MOGAT2: variants seen among roughly 807,000 people sequenced by gnomAD.
The protein encoded by MOGAT2 is monoacylglycerol O-acyltransferase 2.
A neutral mutation model predicts 31.5 loss-of-function variants in MOGAT2; 27 were observed. The observed-to-expected ratio is 0.86, with a 90% CI of 0.63 to 1.18. MOGAT2 has a LOEUF of 1.18. Ranked by LOEUF, MOGAT2 falls within the 50% of genes most tolerant of loss-of-function variation. The probability of loss-of-function intolerance (pLI) is 0.00; values close to 1 mark genes in which losing one functional copy is unlikely to be tolerated. For missense variants in MOGAT2, 436 were observed against 433.2 expected (o/e 1.01, Z -0.06); for synonymous variants, 163 against 170.0 (o/e 0.96, Z 0.32).
chr11:75,727,317 A>T (rs1442625191), intron 2 of MOGAT2, 118 bp from the exon 3 acceptor site: 1 of 850,574 alleles, frequency 1.2e-6, no homozygotes, highest in Non-Finnish European at 1.8e-6. Flanking sequence ...GTGGTCAGAC[A>T]TATGGATGAA....
chr11:75,718,055 G>A (rs1565297869), intron 1 of MOGAT2, 76 bp downstream of exon 1: 2 of 1,357,402 alleles, frequency 1.5e-6, no homozygotes, highest in Non-Finnish European at 2.1e-6. Flanking sequence ...GGTGCACACA[G>A]CACATTGATG....
Position 75,728,932 on chromosome 11 carries a change from G to A in MOGAT2, c.793G>A (p.Gly265Ser). ...CTCCCTCCCACTCTTTCATGGCCGTGGTGTCTTCCAGTACAGCTTTGGTTT... is the reference window on the plus strand; with the variant it reads ...CTCCCTCCCACTCTTTCATGGCCGTAGTGTCTTCCAGTACAGCTTTGGTTT... ...GISLPLFHGR[G>S]VFQYSFGLIP... The change falls in exon 5 of 6, where the codon GGT becomes AGT. Residue 265 changes from glycine to serine, a missense_variant. By Grantham distance (56) the Gly-to-Ser change is moderately conservative. Coordinates refer to ENST00000198801, the MANE Select transcript of MOGAT2 (RefSeq NM_025098.4). 6.2e-7 allele frequency: 1 copy of A among 1,614,114 alleles called. No individual in the cohort carries two copies. Among genetic ancestry groups the A allele is most frequent in the Non-Finnish European group, 8.5e-7 (1 of 1,180,026 alleles).
chr11:75,729,750 T>TG lies in MOGAT2; in HGVS notation c.850+761_850+762insG, dbSNP rs1452217972. ...AAGGAGGGTTTAATTCTTTTTTTTTTTTGTTTTTTTTTGAGACAGAGTCCT... is the reference window on the plus strand; with the variant it reads ...AAGGAGGGTTTAATTCTTTTTTTTTTGTTGTTTTTTTTTGAGACAGAGTCCT... On this transcript the variant is annotated intron_variant, in intron 5 of 5. Transcript: ENST00000198801. 7.0e-4 allele frequency among the ~76,000 whole-genome samples: 98 copies of TG among 140,702 alleles called. 4 individuals carry two copies. Among genetic ancestry groups the TG allele is most frequent in the Admixed American group, 4.7e-3 (68 of 14,382 alleles). 92.3% of individuals were successfully genotyped at this position (140,702 alleles called of 152,430 possible).
chr11:75,718,856 G>A (rs928920122), intron 1 of MOGAT2, among the ~76,000 whole-genome samples: 2 of 152,170 alleles, frequency 1.3e-5, no homozygotes, highest in Non-Finnish European at 2.9e-5. Flanking sequence ...ACCAGACAAG[G>A]TAGGAACTGC....
intron 2 of MOGAT2, among the ~76,000 whole-genome samples, chr11:75,721,869 G>T (rs1263615304): frequency 6.6e-6 from 1 of 152,164 alleles, no homozygotes; most frequent in Admixed American, 6.5e-5. Context: ...CAGGGTGGTT[G>T]GGGTTCCTGC....
At chr11:75,730,102 A>T (rs969681942) in intron 5 of MOGAT2, among the ~76,000 whole-genome samples, 6 of 152,242 alleles carry the variant, frequency 3.9e-5, no homozygotes, top group Non-Finnish European at 7.4e-5. Context: ...TCCACTTGCT[A>T]ATTGAGCAGA....
chr11:75,721,920 G>T (rs995515078), intron 2 of MOGAT2, among the ~76,000 whole-genome samples: 1 of 152,240 alleles, frequency 6.6e-6, no homozygotes, highest in Non-Finnish European at 1.5e-5. Flanking sequence ...AGAAGGACTA[G>T]CAAAGGCTGA....
At position 75,728,813 on chromosome 11, in the gene MOGAT2, C is replaced by T. The variant is rs1243190255; in HGVS notation, c.674C>T (p.Ser225Phe). Residue 225 changes from serine to phenylalanine, a missense_variant, in exon 5 of 6, where the codon TCC becomes TTC. Ser to Phe is a radical substitution (Grantham distance 155). Coordinates refer to ENST00000198801, the MANE Select transcript of MOGAT2 (RefSeq NM_025098.4). ...AGGGCACCCCTGGTGCCAATCTTCT[C>T]CTTCGGGGAGAATGACCTATTTGAC... ...THGAPLVPIF[S>F]FGENDLFDQI... The T allele has an allele frequency of 1.2e-6, 2 of 1,614,098 alleles. No individual in the cohort carries two copies. Among genetic ancestry groups the T allele is most frequent in the Admixed American group, 1.7e-5 (1 of 60,014 alleles).
chr11:75,724,837 C>G (rs1031973585), intron 2 of MOGAT2, among the ~76,000 whole-genome samples: 3 of 152,194 alleles, frequency 2.0e-5, no homozygotes, highest in African/African-American at 7.2e-5. Context: ...ACTCTCCACA[C>G]ATTGTCCCCC....
At chr11:75,726,599 T>C (rs1944423399) in intron 2 of MOGAT2, among the ~76,000 whole-genome samples, 1 of 152,122 alleles carries the variant, frequency 6.6e-6, no homozygotes, top group Non-Finnish European at 1.5e-5. Flanking sequence ...AAAAAGTCTG[T>C]ATATATTCAC....
intron 5 of MOGAT2, among the ~76,000 whole-genome samples, chr11:75,730,037 G>A (rs1304293456): frequency 6.6e-6 from 1 of 152,196 alleles, no homozygotes; most frequent in Non-Finnish European, 1.5e-5. Context: ...AAGCCACCAC[G>A]CCTGGCCTCC....
At chr11:75,729,073 G>T in intron 5 of MOGAT2, 84 bp downstream of exon 5, 1 of 1,313,296 alleles carries the variant, frequency 7.6e-7, no homozygotes, top group South Asian at 1.2e-5. Flanking sequence ...AGATGAGCCA[G>T]ATTTATTCCT....
rs1565301455 is a variant in MOGAT2 at position 75,727,966 on chromosome 11, C to T, written c.476-4C>T. 2 of 1,601,468 alleles carry T rather than the reference C, an allele frequency of 1.2e-6. No individual in the cohort carries two copies. The highest frequency in any genetic ancestry group is 1.1e-5 in the South Asian group (1 of 89,604). On this transcript the variant is annotated splice_region_variant and splice_polypyrimidine_tract_variant and intron_variant, in intron 3 of 5. Coordinates refer to ENST00000198801, the MANE Select transcript of MOGAT2 (RefSeq NM_025098.4). ...ATACCTGACCCACTTTTCTCTTTCC[C>T]TAGGGTTGGTCACATCAGAAAAGGA... is the stretch of plus-strand genomic sequence containing the variant.
rs1212494011 is a variant in MOGAT2, at chr11:75,730,942, A to G, written c.851-190A>G. 1.8e-5 allele frequency: 8 copies of G among 442,038 alleles called. No homozygotes were observed. In the Admixed American group the frequency reaches 2.9e-4, roughly 16 times the overall value. The allele number at this position is 442,038 out of a possible 1,614,324, so 27.4% of individuals were successfully genotyped here. ...AAAAAAAAAAAAAGAAAAGAAAAGAAAAGGAAGAAAGAAATCCAGCCGTTG... is the reference window on the plus strand; with the variant it reads ...AAAAAAAAAAAAAGAAAAGAAAAGAGAAGGAAGAAAGAAATCCAGCCGTTG... On this transcript the variant is annotated intron_variant, in intron 5 of 5. Coordinates refer to ENST00000198801, the MANE Select transcript of MOGAT2 (RefSeq NM_025098.4).
Position 75,717,901 on chromosome 11 carries a change from G to C in MOGAT2, c.13G>C (p.Ala5Pro), listed in dbSNP as rs1040387911. 7.4e-6 allele frequency: 12 copies of C among 1,614,154 alleles called. No homozygotes were observed. The highest frequency in any genetic ancestry group is 1.0e-5 in the Non-Finnish European group (12 of 1,180,010). Residue 5 changes from alanine to proline, a missense_variant, in exon 1 of 6, where the codon GCG becomes CCG. Transcript: ENST00000198801. ...CTGACCCGCCAGCATGGTAGAGTTC[G>C]CGCCCTTGTTTATGCCGTGGGAGCG... MVEFAPLFMPWERRL... is the reference protein window; with the variant it reads MVEFPPLFMPWERRL...
At chr11:75,723,670 G>A (rs976098057) in intron 2 of MOGAT2, among the ~76,000 whole-genome samples, 60 of 152,190 alleles carry the variant, frequency 3.9e-4, no homozygotes, top group African/African-American at 1.4e-3. Context: ...GATTAGAGGT[G>A]TGAGCCACCA....
At chr11:75,730,983 C>G in intron 5 of MOGAT2, 149 bp from the exon 6 acceptor site, 1 of 429,446 alleles carries the variant, frequency 2.3e-6, no homozygotes, top group Non-Finnish European at 4.0e-6. Context: ...ATATCAGAAT[C>G]TTGGAGTTGC....
Position 75,728,121 on chromosome 11 carries a change from C to T in MOGAT2, c.627C>T (p.Phe209=), listed in dbSNP as rs3740845. ...FTLLLRNRKG[F]VRLALTHGAP... ...TGTTACTGCGGAACCGAAAGGGCTT[C>T]GTCAGGCTCGCCCTGACACACGGGT... The change falls in exon 4 of 6, where the codon TTC becomes TTT. Residue 209 remains phenylalanine (F), a synonymous_variant. Transcript: ENST00000198801. The T allele has an allele frequency of 4.5e-3, 7,197 of 1,613,634 alleles. 117 individuals are homozygous for T. Among genetic ancestry groups the T allele is most frequent in the East Asian group, 0.035 (1,582 of 44,864 alleles).
intron 2 of MOGAT2, among the ~76,000 whole-genome samples, chr11:75,723,022 C>T (rs182721077): frequency 1.1e-3 from 169 of 152,214 alleles, no homozygotes; most frequent in Non-Finnish European, 1.9e-3. Flanking sequence ...AATGCAGTGG[C>T]GTGATCTCGG....
Sources: allele counts gnomAD v4.1 joint callset (sites outside exome capture counted in the v4.1 genomes callset), GRCh38; gene constraint gnomAD v4.1.1; transcripts MANE v1.5; gene names NCBI Gene and HGNC (gene_info 2026-07-23, HGNC 2026-07-21).